Variants in ARHGEF38 observed in about 807,000 individuals in gnomAD.
ARHGEF38 encodes the protein Rho guanine nucleotide exchange factor 38.
In ARHGEF38, 79 loss-of-function variants were observed where a neutral mutation model predicts 79.9. That is an observed-to-expected ratio of 0.99 (90% CI 0.82 to 1.19). ARHGEF38 has a LOEUF of 1.19. ARHGEF38 is among the 50% of genes most tolerant of loss of function. ARHGEF38 has a pLI of 0.00. For synonymous variants in ARHGEF38, 366 were observed against 328.3 expected, an observed-to-expected ratio of 1.11 and a Z score of -1.24; for missense variants, 962 against 907.2, an observed-to-expected ratio of 1.06 and a Z score of -0.78.
intron 13 of ARHGEF38, among the ~76,000 whole-genome samples, chr4:105,672,652 C>A: frequency 6.6e-6 from 1 of 152,160 alleles, no homozygotes; most frequent in Admixed American, 6.5e-5. Context: ...AAACATATTT[C>A]TCAGGGGCTG....
intron 1 of ARHGEF38, among the ~76,000 whole-genome samples, chr4:105,577,413 G>A (rs1270976958): frequency 6.6e-6 from 1 of 151,690 alleles, no homozygotes; most frequent in Non-Finnish European, 1.5e-5. Context: ...TTTTGTATCA[G>A]AGTGATGCTG....
chr4:105,619,669 A>G (rs898162221), intron 3 of ARHGEF38, among the ~76,000 whole-genome samples: 2 of 152,126 alleles, frequency 1.3e-5, no homozygotes, highest in African/African-American at 4.8e-5. Context: ...TCTAAATGAG[A>G]AATAGGGTAA....
At chr4:105,652,877 T>C in intron 7 of ARHGEF38, among the ~76,000 whole-genome samples, 1 of 152,268 alleles carries the variant, frequency 6.6e-6, no homozygotes, top group Middle Eastern at 3.4e-3. Context: ...ATTAAGAAGT[T>C]TAAAAATAAA....
chr4:105,654,187 G>C lies in ARHGEF38; in HGVS notation c.1113+18G>C, dbSNP rs562192500. 7 of 1,360,440 alleles carry C rather than the reference G, an allele frequency of 5.1e-6. No homozygotes were observed. Among genetic ancestry groups the C allele is most frequent in the Non-Finnish European group, 6.9e-6 (7 of 1,012,226 alleles). 84.3% of individuals were successfully genotyped at this position (1,360,440 alleles called of 1,614,324 possible). ...ACATACAGGTAGGTGAGACACAACT[G>C]TTTTCAGTGTTCTACAGGAACATCT... On this transcript the variant is annotated intron_variant, in intron 8 of 13. Transcript: ENST00000420470.
intron 2 of ARHGEF38, among the ~76,000 whole-genome samples, chr4:105,592,783 T>C (rs1220669220): frequency 6.6e-6 from 1 of 152,138 alleles, no homozygotes; most frequent in African/African-American, 2.4e-5. Flanking sequence ...ATAAAGAAAC[T>C]AGAAACAATA....
intron 5 of ARHGEF38, among the ~76,000 whole-genome samples, chr4:105,643,133 G>GTTT (rs11412582): frequency 7.7e-5 from 11 of 143,280 alleles, no homozygotes; most frequent in South Asian, 2.2e-4. Flanking sequence ...TTTTTTGTTA[G>GTTT]TTTTTTTTTT....
rs371440317 is a variant in ARHGEF38 at position 105,679,167 on chromosome 4, A to G, written c.*1230A>G. The G allele has an allele frequency of 8.1e-6, 5 of 616,064 alleles. No homozygotes were observed. The highest frequency in any genetic ancestry group is 5.6e-5 in the African/African-American group (3 of 53,868). 38.2% of individuals were successfully genotyped at this position (616,064 alleles called of 1,614,324 possible). ...TTTGTCGACTCTCTCTACCTGACCA[A>G]TTGCCAGATCGACAACCTGACTGGC... On this transcript the variant is annotated 3_prime_UTR_variant, in exon 14 of 14. Coordinates refer to ENST00000420470, the MANE Select transcript of ARHGEF38 (RefSeq NM_001242729.2).
At chr4:105,675,504 G>A (rs1731088952) in intron 13 of ARHGEF38, among the ~76,000 whole-genome samples, 1 of 152,102 alleles carries the variant, frequency 6.6e-6, no homozygotes, top group Non-Finnish European at 1.5e-5. Context: ...GATACAAGAT[G>A]ATGTCTTGTA....
chr4:105,663,905 G>GGTT (rs1730653767), intron 10 of ARHGEF38, among the ~76,000 whole-genome samples: 2 of 151,740 alleles, frequency 1.3e-5, no homozygotes, highest in Non-Finnish European at 1.5e-5. Flanking sequence ...GGGAGGCGGA[G>GGTT]GTTGCAGTGA....
chr4:105,576,529 T>C (rs1726510297), intron 1 of ARHGEF38, among the ~76,000 whole-genome samples: 1 of 152,142 alleles, frequency 6.6e-6, no homozygotes, highest in Admixed American at 6.5e-5. Flanking sequence ...TTTTGTAACC[T>C]GAGACTTTAC....
chr4:105,563,364 A>G (rs1725730885), intron 1 of ARHGEF38: 2 of 152,244 alleles, frequency 1.3e-5, no homozygotes. Context: ...ACATGGAACA[A>G]GGTAATAATA....
rs1730801138 is a variant in ARHGEF38 at position 105,667,619 on chromosome 4, T to C, written c.2064T>C (p.Asp688=). Residue 688 remains aspartate, a synonymous_variant, in exon 13 of 14, where the codon GAT becomes GAC. Transcript: ENST00000420470. The part of the protein sequence containing the change: ...VTGTSESSIG[D]SSSSLSGTCG... ...GCACCTCAGAAAGCAGCATTGGTGA[T>C]AGCAGCTCATCTCTTAGTGGCACAT... 2 of 1,536,586 alleles carry C rather than the reference T, an allele frequency of 1.3e-6. No homozygotes were observed. Among genetic ancestry groups the C allele is most frequent in the Non-Finnish European group, 1.7e-6 (2 of 1,147,048 alleles).
chr4:105,559,732 C>T (rs542384671), intron 1 of ARHGEF38, among the ~76,000 whole-genome samples: 1 of 151,956 alleles, frequency 6.6e-6, no homozygotes, highest in African/African-American at 2.4e-5. Flanking sequence ...GCTCCAGGTC[C>T]CACAAAGGAG....
chr4:105,558,361 T>G (rs1725354080), intron 1 of ARHGEF38, among the ~76,000 whole-genome samples: 1 of 152,204 alleles, frequency 6.6e-6, no homozygotes, highest in Admixed American at 6.6e-5. Context: ...CTGTGCATGT[T>G]TCTATCCCAG....
intron 13 of ARHGEF38, among the ~76,000 whole-genome samples, chr4:105,676,999 C>G (rs1297580271): frequency 6.6e-6 from 1 of 151,346 alleles, no homozygotes; most frequent in African/African-American, 2.4e-5. Flanking sequence ...AGTCTCACTC[C>G]GTCGCCCAGG....
chr4:105,670,052 G>T (rs957240881), intron 13 of ARHGEF38, among the ~76,000 whole-genome samples: 5 of 152,104 alleles, frequency 3.3e-5, no homozygotes, highest in African/African-American at 1.2e-4. Context: ...GGTCATTTGG[G>T]TAACTTCTAG....
At position 105,625,723 on chromosome 4, in the gene ARHGEF38, A is replaced by G. The variant is rs73837079; in HGVS notation, c.509-5175A>G. On this transcript the variant is annotated intron_variant, in intron 3 of 13. Transcript: ENST00000420470. ...TTAATTACATGGCCATACCAATTGG[A>G]TGGGAGGGTGGGAAATGTCATTTTG... 5.5e-3 allele frequency among the ~76,000 whole-genome samples: 836 copies of G among 152,268 alleles called. 5 individuals carry two copies. Among genetic ancestry groups the G allele is most frequent in the African/African-American group, 0.019 (795 of 41,564 alleles).
chr4:105,669,871 T>G (rs940305590), intron 13 of ARHGEF38, among the ~76,000 whole-genome samples: 3 of 152,220 alleles, frequency 2.0e-5, no homozygotes, highest in African/African-American at 7.2e-5. Context: ...CTGTATCTTT[T>G]GTATAAACAA....
At chr4:105,663,332 CA>C (rs904096097) in intron 10 of ARHGEF38, among the ~76,000 whole-genome samples, 2 of 152,068 alleles carry the variant, frequency 1.3e-5, no homozygotes, top group African/African-American at 2.4e-5. Context: ...TAAAAAACCA[CA>C]ATTTACCATT....
Sources: allele counts gnomAD v4.1 joint callset (sites outside exome capture counted in the v4.1 genomes callset), GRCh38; gene constraint gnomAD v4.1.1; transcripts MANE v1.5; gene names NCBI Gene and HGNC (gene_info 2026-07-23, HGNC 2026-07-21).